The following KCND2 variants were observed in gnomAD, a reference collection of about 807,000 sequenced individuals.
KCND2 encodes A-type voltage-gated potassium channel KCND2.
KCND2 carries 16 observed loss-of-function variants against 54.4 expected under a neutral mutation model. The observed-to-expected ratio is 0.29, with a 90% CI of 0.20 to 0.45. The LOEUF is 0.45. Ranked by LOEUF, KCND2 falls within the 20% of genes least tolerant of loss-of-function variation. The pLI, the probability that KCND2 is intolerant of heterozygous loss-of-function variation, is 1.00. For missense variants in KCND2, 486 were observed against 824.2 expected (o/e 0.59, Z 5.02); for synonymous variants, 317 against 310.7 (o/e 1.02, Z -0.21).
chr7:120,393,516 G>A (rs898823730), intron 1 of KCND2, among the ~76,000 whole-genome samples: 5 of 151,904 alleles, frequency 3.3e-5, no homozygotes, highest in African/African-American at 7.2e-5. Flanking sequence ...TTTATGTGAC[G>A]TCTACAATGT....
intron 1 of KCND2, among the ~76,000 whole-genome samples, chr7:120,492,399 T>C (rs970766725): frequency 3.3e-5 from 5 of 152,074 alleles, no homozygotes; most frequent in African/African-American, 1.2e-4. Flanking sequence ...TGTACATGCA[T>C]ACTCATATGT....
chr7:120,545,719 G>A (rs1349061855), intron 1 of KCND2, among the ~76,000 whole-genome samples: 2 of 151,672 alleles, frequency 1.3e-5, no homozygotes, highest in African/African-American at 4.8e-5. Context: ...GTGATGTAGG[G>A]GCTAACAAGC....
chr7:120,287,955 C>A (rs2116269410), intron 1 of KCND2, among the ~76,000 whole-genome samples: 1 of 152,168 alleles, frequency 6.6e-6, no homozygotes, highest in Non-Finnish European at 1.5e-5. Flanking sequence ...AGGTAAAAAA[C>A]CAATGCTTTA....
At chr7:120,639,207 T>G (rs1004768009) in intron 1 of KCND2, among the ~76,000 whole-genome samples, 4 of 152,128 alleles carry the variant, frequency 2.6e-5, no homozygotes, top group African/African-American at 9.7e-5. Context: ...GATAGAAAAT[T>G]CTATCAATTT....
Position 120,343,847 on chromosome 7 carries a change from A to G in KCND2, c.1115+68100A>G, listed in dbSNP as rs572452092. Among the ~76,000 whole-genome samples the G allele has an allele frequency of 3.3e-5, 5 of 152,310 alleles. No individual in the cohort carries two copies. In the East Asian group the frequency reaches 7.7e-4, roughly 23 times the overall value. ...TGCTTCTGTTTATGGAAAGCACTAT[A>G]TAATCATATGCATGTGCACTTGCAA... On this transcript the variant is annotated intron_variant, in intron 1 of 5. Coordinates refer to ENST00000331113, the MANE Select transcript of KCND2 (RefSeq NM_012281.3).
chr7:120,381,843 C>A (rs1800920596), intron 1 of KCND2, among the ~76,000 whole-genome samples: 1 of 151,928 alleles, frequency 6.6e-6, no homozygotes, highest in Non-Finnish European at 1.5e-5. Context: ...ATTTAAATGA[C>A]TTTTCCCACT....
intron 1 of KCND2, among the ~76,000 whole-genome samples, chr7:120,496,701 G>A (rs1207713386): frequency 6.6e-6 from 1 of 152,138 alleles, no homozygotes; most frequent in Non-Finnish European, 1.5e-5. Flanking sequence ...TGGGATTACA[G>A]GCGTGAGCCA....
At chr7:120,319,698 T>TA (rs1450242823) in intron 1 of KCND2, among the ~76,000 whole-genome samples, 1 of 152,146 alleles carries the variant, frequency 6.6e-6, no homozygotes, top group Non-Finnish European at 1.5e-5. Flanking sequence ...ATTGTTAAGA[T>TA]AATTAGATAG....
At chr7:120,308,834 A>C (rs1799686393) in intron 1 of KCND2, among the ~76,000 whole-genome samples, 1 of 152,164 alleles carries the variant, frequency 6.6e-6, no homozygotes, top group Non-Finnish European at 1.5e-5. Context: ...GAATAAAGCA[A>C]ATAAAGGATT....
chr7:120,345,967 G>C (rs1406532217), intron 1 of KCND2, among the ~76,000 whole-genome samples: 1 of 152,140 alleles, frequency 6.6e-6, no homozygotes, highest in African/African-American at 2.4e-5. Flanking sequence ...TCCAGCAACA[G>C]AACAGAGTTC....
At chr7:120,583,978 G>T (rs1792554683) in intron 1 of KCND2, among the ~76,000 whole-genome samples, 2 of 152,232 alleles carry the variant, frequency 1.3e-5, no homozygotes, top group African/African-American at 4.8e-5. Context: ...CATCAGGGAG[G>T]TCACGGGACT....
At chr7:120,514,059 T>C (rs1294564362) in intron 1 of KCND2, among the ~76,000 whole-genome samples, 1 of 152,106 alleles carries the variant, frequency 6.6e-6, no homozygotes, top group Non-Finnish European at 1.5e-5. Flanking sequence ...TCCATTGAGG[T>C]CAATGGGATA....
chr7:120,665,608 A>G (rs1249293579), intron 1 of KCND2, among the ~76,000 whole-genome samples: 2 of 152,048 alleles, frequency 1.3e-5, no homozygotes, highest in Non-Finnish European at 2.9e-5. Flanking sequence ...TAAAAACAAC[A>G]TAAAATTAGT....
At chr7:120,439,667 A>G (rs1343228021) in intron 1 of KCND2, among the ~76,000 whole-genome samples, 1 of 151,918 alleles carries the variant, frequency 6.6e-6, no homozygotes, top group African/African-American at 2.4e-5. Context: ...CTCCTCTCCC[A>G]TATCCTTCAG....
intron 1 of KCND2, among the ~76,000 whole-genome samples, chr7:120,493,173 T>C (rs1802807654): frequency 6.6e-6 from 1 of 150,966 alleles, no homozygotes; most frequent in African/African-American, 2.4e-5. Context: ...AATTCTTATC[T>C]ATATATTAGA....
intron 1 of KCND2, among the ~76,000 whole-genome samples, chr7:120,659,992 T>C (rs1791846952): frequency 6.6e-6 from 1 of 152,196 alleles, no homozygotes; most frequent in African/African-American, 2.4e-5. Context: ...CCGGTAAGAA[T>C]ACTCATCACC....
chr7:120,571,018 C>T (rs1409882924), intron 1 of KCND2, among the ~76,000 whole-genome samples: 4 of 152,302 alleles, frequency 2.6e-5, no homozygotes, highest in East Asian at 1.9e-4. Context: ...CTCAAGTCTC[C>T]GCTGTCTTAC....
chr7:120,626,154 C>T (rs1219071724), intron 1 of KCND2, among the ~76,000 whole-genome samples: 1 of 151,922 alleles, frequency 6.6e-6, no homozygotes, highest in African/African-American at 2.4e-5. Flanking sequence ...TTTTTTATTG[C>T]TTCATAAATA....
In KCND2 at chr7:120,275,580, A is replaced by G; in HGVS notation, c.948A>G (p.Thr316=). ...HSQGLRILGY[T]LKSCASELGF... ...AAGGCCTGCGCATCCTGGGGTACAC[A>G]CTGAAGAGTTGTGCCTCAGAATTGG... The change falls in exon 1 of 6, where the codon ACA becomes ACG. Residue 316 remains threonine (T), a synonymous_variant. Transcript: ENST00000331113. 4 of 1,613,584 alleles carry G rather than the reference A, an allele frequency of 2.5e-6. No homozygotes were observed. The highest frequency in any genetic ancestry group is 2.5e-6 in the Non-Finnish European group (3 of 1,179,988).
Sources: allele counts gnomAD v4.1 joint callset (sites outside exome capture counted in the v4.1 genomes callset), GRCh38; gene constraint gnomAD v4.1.1; transcripts MANE v1.5; gene names NCBI Gene and HGNC (gene_info 2026-07-23, HGNC 2026-07-21).